Variants in PLVAP observed in about 807,000 individuals in gnomAD.
PLVAP encodes the protein plasmalemma vesicle associated protein.
In PLVAP, 34 loss-of-function variants were observed where a neutral mutation model predicts 43.1. The ratio of observed to expected loss-of-function variants is 0.79; its 90% CI spans 0.60 to 1.05. The LOEUF is 1.05. Ranked by LOEUF, PLVAP falls within the 50% of genes least tolerant of loss-of-function variation. PLVAP has a pLI of 0.00. For synonymous variants in PLVAP, 241 were observed against 237.3 expected, an observed-to-expected ratio of 1.02 and a Z score of -0.14; for missense variants, 574 against 593.4, an observed-to-expected ratio of 0.97 and a Z score of 0.34.
intron 1 of PLVAP, 80 bp from the exon 2 acceptor site, chr19:17,366,275 C>A: frequency 7.2e-7 from 1 of 1,392,228 alleles, no homozygotes; most frequent in South Asian, 1.2e-5. Context: ...GATCGAGCAC[C>A]CTGGTGGCCA....
Position 17,377,116 on chromosome 19 carries a change from G to T in PLVAP, c.173C>A (p.Ser58Tyr). The T allele has an allele frequency of 6.2e-7, 1 of 1,614,148 alleles. No homozygotes were observed. ...VYGNVHVSTE[S>Y]NLQATERRAE... ...TCGGCGCTCGGTGGCCTGCAGGTTG[G>T]ACTCTGTGCTCACGTGCACGTTGCC... is the stretch of plus-strand genomic sequence containing the variant. The change falls in exon 1 of 6, where the codon TCC (serine) becomes TAC (tyrosine). Residue 58 changes from serine to tyrosine, a missense_variant. Coordinates refer to ENST00000252590, the MANE Select transcript of PLVAP (RefSeq NM_031310.3).
At position 17,351,610 on chromosome 19, in the gene PLVAP, A is replaced by T. The variant is rs953577380; in HGVS notation, c.*752T>A. 2 of 152,224 alleles carry T rather than the reference A, an allele frequency of 1.3e-5. No homozygotes were observed. Among genetic ancestry groups the T allele is most frequent in the African/African-American group, 2.4e-5 (1 of 41,426 alleles). The allele number at this position is 152,224 out of a possible 1,614,324, so 9.4% of individuals were successfully genotyped here. A position where few individuals can be genotyped will look rare whatever the true frequency, so the allele number is the denominator to read the frequency against. On this transcript the variant is annotated 3_prime_UTR_variant, in exon 6 of 6. Transcript: ENST00000252590. ...GGGGGTCCTGGAAACACTCACGCTC[A>T]AGGAGCGGAGGTGAATGGCTTCCTG...
At chr19:17,372,732 A>G (rs977070230) in intron 1 of PLVAP, among the ~76,000 whole-genome samples, 2 of 150,252 alleles carry the variant, frequency 1.3e-5, no homozygotes, top group Non-Finnish European at 3.0e-5. Flanking sequence ...TTGGGATTAT[A>G]GGTGTGAGCC....
chr19:17,365,889 C>T lies in PLVAP; in HGVS notation c.576G>A (p.Val192=). The T allele has an allele frequency of 1.2e-6, 2 of 1,614,118 alleles. No homozygotes were observed. Among genetic ancestry groups the T allele is most frequent in the Non-Finnish European group, 1.7e-6 (2 of 1,180,042 alleles). The change falls in exon 3 of 6, where the codon GTG becomes GTA. Residue 192 remains valine, a synonymous_variant. Coordinates refer to ENST00000252590, the MANE Select transcript of PLVAP (RefSeq NM_031310.3). ...DKESVLLNKR[V]AEEQLVECVK... ...CGCATTCAACCAGCTGTTCCTCCGC[C>T]ACGCGTTTGTTCAGCAGCACGCTTT... is the stretch of plus-strand genomic sequence containing the variant.
At chr19:17,368,064 ATTTTT>A (rs34115667) in intron 1 of PLVAP, among the ~76,000 whole-genome samples, 4 of 76,022 alleles carry the variant, frequency 5.3e-5, no homozygotes, top group African/African-American at 6.3e-5. Flanking sequence ...TGCCCGGCTA[ATTTTT>A]TTTTTTTTTT....
chr19:17,376,427 T>C (rs566072382), intron 1 of PLVAP, among the ~76,000 whole-genome samples: 2 of 151,696 alleles, frequency 1.3e-5, no homozygotes, highest in East Asian at 3.9e-4. Flanking sequence ...GAGATTGAGG[T>C]TGCAGTGAGC....
chr19:17,373,300 T>C lies in PLVAP; in HGVS notation c.369+3620A>G, dbSNP rs187346224. Among the ~76,000 whole-genome samples, 762 of 151,724 alleles carry C rather than the reference T, an allele frequency of 5.0e-3. 2 individuals carry two copies. Among genetic ancestry groups the C allele is most frequent in the African/African-American group, 0.017 (704 of 41,366 alleles). On this transcript the variant is annotated intron_variant, in intron 1 of 5. Transcript: ENST00000252590. Reference sequence around the variant, plus strand: ...CTGGGCATCTGGGGAGACGGTGCTTTGCCCCGGGGTTTTGGCGGATAGAGA... The same window carrying C: ...CTGGGCATCTGGGGAGACGGTGCTTCGCCCCGGGGTTTTGGCGGATAGAGA...
At position 17,377,031 on chromosome 19, in the gene PLVAP, CT is replaced by C; in HGVS notation, c.257del (p.Lys86ArgfsTer18). 2 of 1,614,060 alleles carry C rather than the reference CT, an allele frequency of 1.2e-6. No individual in the cohort carries two copies. Among genetic ancestry groups the C allele is most frequent in the Non-Finnish European group, 1.7e-6 (2 of 1,180,018 alleles). On this transcript the variant is annotated frameshift_variant, in exon 1 of 6. Transcript: ENST00000252590. LOFTEE classifies it high-confidence loss of function. ...GLTASQSNLT[K>X]ELNFTTRAKD... ...TGGCGCGGGTGGTGAAGTTGAGCTCCTTGGTCAAGTTGGACTGGGAGGCCGT... is the reference window on the plus strand; with the variant it reads ...TGGCGCGGGTGGTGAAGTTGAGCTCCTGGTCAAGTTGGACTGGGAGGCCGT...
At chr19:17,368,482 GATTATAGTCGTGAGCCACCTCTCCTGGC>G (rs1376356194) in intron 1 of PLVAP, among the ~76,000 whole-genome samples, 5 of 152,072 alleles carry the variant, frequency 3.3e-5, no homozygotes, top group Non-Finnish European at 7.4e-5. Flanking sequence ...AAAGTGCTGG[GATTATAGTCGTGAGCCACCTCTCCTGGC>G]AGAAGTAGGG....
Position 17,377,270 on chromosome 19 carries a change from GC to G in PLVAP, c.18del (p.Glu6AspfsTer49). ...CCCGCCCGAGCGTAGGACCCTCCGT[GC>G]TCCATGGCCAGACCCATTTGCTCGA... Reference protein sequence around the residue: MGLAMEHGGSYARAGG... With the variant: MGLAMXHGGSYARAGG... On this transcript the variant is annotated frameshift_variant, in exon 1 of 6. Transcript: ENST00000252590. LOFTEE classifies it high-confidence loss of function. 1.2e-6 allele frequency: 2 copies of G among 1,612,450 alleles called. No individual in the cohort carries two copies. The highest frequency in any genetic ancestry group is 1.7e-6 in the Non-Finnish European group (2 of 1,179,146).
intron 1 of PLVAP, among the ~76,000 whole-genome samples, chr19:17,374,352 C>T (rs1416700120): frequency 6.6e-6 from 1 of 151,874 alleles, no homozygotes; most frequent in Non-Finnish European, 1.5e-5. Flanking sequence ...GTAGTCCCAG[C>T]TACTCAGGAG....
At position 17,365,708 on chromosome 19, in the gene PLVAP, G is replaced by T; in HGVS notation, c.757C>A (p.Leu253Met). 6.2e-7 allele frequency: 1 copy of T among 1,613,950 alleles called. No homozygotes were observed. Among genetic ancestry groups the T allele is most frequent in the Non-Finnish European group, 8.5e-7 (1 of 1,180,050 alleles). Residue 253 changes from leucine (L) to methionine (M), a missense_variant, in exon 3 of 6, where the codon CTG becomes ATG. Physicochemically the swap from Leu to Met is conservative, Grantham distance 15. Coordinates refer to ENST00000252590, the MANE Select transcript of PLVAP (RefSeq NM_031310.3). ...AGGGGATGGTAGAGGTTGTAACCCA[G>T]GTTGTCCAGGCTGCGTGGGATAATG... The part of the protein sequence containing the change: ...DSIIPRSLDN[L>M]GYNLYHPLGS...
intron 5 of PLVAP, among the ~76,000 whole-genome samples, chr19:17,354,913 T>A (rs1156909278): frequency 7.1e-6 from 1 of 140,302 alleles, no homozygotes; most frequent in Non-Finnish European, 1.6e-5. Context: ...AAAAAAAAAA[T>A]TAAAATTAAA....
intron 5 of PLVAP, among the ~76,000 whole-genome samples, chr19:17,356,346 A>G (rs1373646937): frequency 1.3e-5 from 2 of 151,980 alleles, no homozygotes; most frequent in Non-Finnish European, 2.9e-5. Context: ...TAAGAGCAAG[A>G]CCTCACGCCG....
chr19:17,376,484 C>T (rs1432900377), intron 1 of PLVAP, among the ~76,000 whole-genome samples: 1 of 151,250 alleles, frequency 6.6e-6, no homozygotes, highest in Non-Finnish European at 1.5e-5. Flanking sequence ...ACATGGAGAC[C>T]CTGTCTCTTA....
At position 17,365,622 on chromosome 19, in the gene PLVAP, G is replaced by C; in HGVS notation, c.843C>G (p.Ser281=). 1.2e-6 allele frequency: 2 copies of C among 1,613,538 alleles called. No homozygotes were observed. The highest frequency in any genetic ancestry group is 1.7e-6 in the Non-Finnish European group (2 of 1,180,040). The change falls in exon 3 of 6, where the codon TCC becomes TCG. Residue 281 remains serine (S), a synonymous_variant. Coordinates refer to ENST00000252590, the MANE Select transcript of PLVAP (RefSeq NM_031310.3). The part of the protein sequence containing the change: ...ACDHMPSLMS[S]KVEELARSLR... ...GGCTCCGGGCCAGCTCCTCCACCTT[G>C]GAGCTCATGAGGCTGGGCATGTGGT...
At chr19:17,352,671 C>G (rs2074491088) in intron 5 of PLVAP, among the ~76,000 whole-genome samples, 1 of 152,114 alleles carries the variant, frequency 6.6e-6, no homozygotes, top group Non-Finnish European at 1.5e-5. Flanking sequence ...TTCACGAGCC[C>G]CAAGCCTCTG....
At chr19:17,355,529 A>AT (rs71162107) in intron 5 of PLVAP, among the ~76,000 whole-genome samples, 57,289 of 129,952 alleles carry the variant, frequency 0.44, 13,600 homozygotes, top group African/African-American at 0.65. Flanking sequence ...TGCCTGGTTA[A>AT]TTTTTTTTTT....
intron 1 of PLVAP, among the ~76,000 whole-genome samples, chr19:17,373,466 G>A (rs1248997494): frequency 6.6e-6 from 1 of 152,006 alleles, no homozygotes; most frequent in Admixed American, 6.6e-5. Context: ...CAGTGCGGAC[G>A]GCTGGGTGGT....
Sources: gnomAD v4.1 joint callset for allele counts (sites outside exome capture counted in the v4.1 genomes callset) on GRCh38, gnomAD v4.1.1 for gene constraint, MANE v1.5 for transcripts, NCBI Gene and HGNC (gene_info 2026-07-23, HGNC 2026-07-21) for gene names.